DOK6: variants seen among roughly 807,000 people sequenced by gnomAD.
DOK6 encodes downstream of tyrosine kinase 6.
Under a neutral mutation model 44.0 loss-of-function variants are expected in DOK6, and 22 were observed. That is an observed-to-expected ratio of 0.50 (90% CI 0.36 to 0.71). The LOEUF (loss-of-function observed/expected upper bound fraction) is 0.71, where lower values mean the gene tolerates loss of function less well. Among genes scored for constraint, DOK6 ranks in the 30% least tolerant of loss-of-function variants. The probability of loss-of-function intolerance (pLI) is 0.00; values close to 1 mark genes in which losing one functional copy is unlikely to be tolerated. For synonymous variants in DOK6, 166 were observed against 145.5 expected (o/e 1.14, Z -1.01); for missense variants, 340 against 416.4 (o/e 0.82, Z 1.60).
intron 1 of DOK6, among the ~76,000 whole-genome samples, chr18:69,525,582 T>C (rs1036072414): frequency 1.3e-5 from 2 of 152,072 alleles, no homozygotes; most frequent in South Asian, 2.1e-4. Flanking sequence ...TTGGTTGAGA[T>C]ATGTACTACT....
intron 1 of DOK6, among the ~76,000 whole-genome samples, chr18:69,468,700 A>G (rs1399745419): frequency 6.6e-6 from 1 of 152,182 alleles, no homozygotes; most frequent in Non-Finnish European, 1.5e-5. Flanking sequence ...ATGATATACA[A>G]TCTCATAAGA....
rs553019102 is a variant in DOK6, at chr18:69,700,414, A to C, written c.599+1821A>C. The stretch of plus-strand genomic sequence containing the variant: ...TGTTACAACGTTTCAATAGACTTCC[A>C]CTCAAAATTTTAAATAACAAGTCAT... On this transcript the variant is annotated intron_variant, in intron 5 of 7. Transcript: ENST00000382713. Among the ~76,000 whole-genome samples, 23 of 151,972 alleles carry C rather than the reference A, an allele frequency of 1.5e-4. 1 individual carries two copies. The South Asian group carries it at 4.8e-3, about 32-fold the overall frequency.
intron 1 of DOK6, among the ~76,000 whole-genome samples, chr18:69,533,317 C>T (rs1239493502): frequency 1.3e-5 from 2 of 152,070 alleles, no homozygotes; most frequent in Non-Finnish European, 2.9e-5. Flanking sequence ...CTTTTTAAGC[C>T]ATTTTAATTG....
chr18:69,465,985 G>T (rs1301640529), intron 1 of DOK6, among the ~76,000 whole-genome samples: 1 of 152,136 alleles, frequency 6.6e-6, no homozygotes, highest in Non-Finnish European at 1.5e-5. Flanking sequence ...GTTAAATTAA[G>T]CTTACTAAAC....
At chr18:69,742,478 G>T (rs12960252) in intron 6 of DOK6, among the ~76,000 whole-genome samples, 5 of 151,280 alleles carry the variant, frequency 3.3e-5, no homozygotes, top group Non-Finnish European at 5.9e-5. Context: ...CATTGCATTT[G>T]CCACTCAAAA....
At chr18:69,549,842 T>G (rs1297174997) in intron 1 of DOK6, among the ~76,000 whole-genome samples, 1 of 148,670 alleles carries the variant, frequency 6.7e-6, no homozygotes, top group Non-Finnish European at 1.5e-5. Flanking sequence ...ATTAGATTTA[T>G]CTAAGAAAAC....
chr18:69,784,464 T>C (rs1568125607), intron 7 of DOK6, among the ~76,000 whole-genome samples: 1 of 151,372 alleles, frequency 6.6e-6, no homozygotes, highest in Non-Finnish European at 1.5e-5. Context: ...AGAGCACACT[T>C]TATTTTATAA....
intron 4 of DOK6, among the ~76,000 whole-genome samples, chr18:69,693,273 G>C (rs551895252): frequency 2.5e-4 from 36 of 143,740 alleles, no homozygotes; most frequent in African/African-American, 9.0e-4. Context: ...CTGAAGCAGA[G>C]GAAGAAATAG....
intron 7 of DOK6, among the ~76,000 whole-genome samples, chr18:69,789,859 C>T (rs1980540468): frequency 6.6e-6 from 1 of 152,096 alleles, no homozygotes; most frequent in Admixed American, 6.6e-5. Context: ...AGTTTTCTGC[C>T]ACTAAGCCCT....
chr18:69,569,567 G>A (rs928078722), intron 2 of DOK6, among the ~76,000 whole-genome samples: 5 of 152,132 alleles, frequency 3.3e-5, no homozygotes, highest in Admixed American at 3.3e-4. Context: ...ATCAGCAAAT[G>A]TTCAACCTGA....
Position 69,577,292 on chromosome 18 carries a change from C to T in DOK6, c.174+12698C>T, listed in dbSNP as rs149274636. ...ATTTTGATTCCACGAAGAAACGGCC[C>T]TATGCTTGGATGAGCACATATGTCA... is the stretch of plus-strand genomic sequence containing the variant. On this transcript the variant is annotated intron_variant, in intron 2 of 7. Transcript: ENST00000382713. Among the ~76,000 whole-genome samples the T allele has an allele frequency of 5.5e-4, 83 of 152,226 alleles. 1 individual carries two copies. The highest frequency in any genetic ancestry group is 1.9e-3 in the African/African-American group (77 of 41,546).
chr18:69,654,455 G>A lies in DOK6; in HGVS notation c.290-23279G>A, dbSNP rs140122161. 5.0e-3 allele frequency among the ~76,000 whole-genome samples: 763 copies of A among 152,250 alleles called. 10 individuals are homozygous for A. Among genetic ancestry groups the A allele is most frequent in the African/African-American group, 0.017 (698 of 41,540 alleles). Reference sequence around the variant, plus strand: ...GACATTGACATTGAGTCGGCATGAAGTTAGGGCTCTGGACTTGAATTTTTT... The same window carrying A: ...GACATTGACATTGAGTCGGCATGAAATTAGGGCTCTGGACTTGAATTTTTT... On this transcript the variant is annotated intron_variant, in intron 3 of 7. Transcript: ENST00000382713.
chr18:69,459,243 C>T (rs191004346), intron 1 of DOK6, among the ~76,000 whole-genome samples: 13 of 146,190 alleles, frequency 8.9e-5, no homozygotes, highest in Admixed American at 5.5e-4. Context: ...GAAGGTGCCA[C>T]GTAATGTATT....
chr18:69,844,783 A>T lies in DOK6; in HGVS notation c.*3400A>T, dbSNP rs1405551050. On this transcript the variant is annotated 3_prime_UTR_variant, in exon 8 of 8. Coordinates refer to ENST00000382713, the MANE Select transcript of DOK6 (RefSeq NM_152721.6). ...GAGCATGTGAAATCAATGGAAACAT[A>T]TTTATTAAAAGTAAACCTCACCTTT... 1 of 152,342 alleles carries T rather than the reference A, an allele frequency of 6.6e-6. No individual in the cohort carries two copies. Among genetic ancestry groups the T allele is most frequent in the African/African-American group, 2.4e-5 (1 of 41,570 alleles). The allele number at this position is 152,342 out of a possible 1,614,324, so 9.4% of individuals were successfully genotyped here.
intron 5 of DOK6, among the ~76,000 whole-genome samples, chr18:69,705,706 C>T (rs1274552323): frequency 6.6e-6 from 1 of 152,140 alleles, no homozygotes. Context: ...GTTCTCTTTT[C>T]CAATTTTACA....
At chr18:69,463,299 G>A (rs1028336046) in intron 1 of DOK6, among the ~76,000 whole-genome samples, 6 of 151,516 alleles carry the variant, frequency 4.0e-5, no homozygotes, top group East Asian at 1.9e-4. Flanking sequence ...TCACCGTGGC[G>A]ATTAGGATTT....
rs186488695 is a variant in DOK6, at chr18:69,652,769, A to G, written c.290-24965A>G. Among the ~76,000 whole-genome samples, 37 of 152,312 alleles carry G rather than the reference A, an allele frequency of 2.4e-4. No individual in the cohort carries two copies. The South Asian group carries it at 3.7e-3, about 15-fold the overall frequency. On this transcript the variant is annotated intron_variant, in intron 3 of 7. Coordinates refer to ENST00000382713, the MANE Select transcript of DOK6 (RefSeq NM_152721.6). ...TTTAGGGTTCAAGCAGCGTACATAC[A>G]GCCTTAAGTAAACTGGTAGGAGAAA...
intron 7 of DOK6, among the ~76,000 whole-genome samples, chr18:69,823,232 A>G (rs1477082738): frequency 6.6e-6 from 1 of 152,204 alleles, no homozygotes; most frequent in Non-Finnish European, 1.5e-5. Context: ...TTCTCAACTC[A>G]GTATAATCTT....
At chr18:69,561,717 C>T (rs889327896) in intron 1 of DOK6, among the ~76,000 whole-genome samples, 5 of 152,068 alleles carry the variant, frequency 3.3e-5, no homozygotes, top group African/African-American at 1.2e-4. Context: ...TTATCCTGCA[C>T]ATGCTTTTCA....
Sources: gnomAD v4.1 joint callset for allele counts (sites outside exome capture counted in the v4.1 genomes callset) on GRCh38, gnomAD v4.1.1 for gene constraint, MANE v1.5 for transcripts, NCBI Gene and HGNC (gene_info 2026-07-23, HGNC 2026-07-21) for gene names.